The following HP1BP3 variants were observed in gnomAD, a reference collection of about 807,000 sequenced individuals.
HP1BP3 encodes heterochromatin protein 1-binding protein 3.
Under a neutral mutation model 62.5 loss-of-function variants are expected in HP1BP3, and 12 were observed. That is an observed-to-expected ratio of 0.19 (90% CI 0.12 to 0.31). The LOEUF is 0.31. Ranked by LOEUF, HP1BP3 falls within the 10% of genes least tolerant of loss-of-function variation. The probability of loss-of-function intolerance (pLI) is 1.00; values close to 1 mark genes in which losing one functional copy is unlikely to be tolerated. For missense variants in HP1BP3, 502 were observed against 651.8 expected, an observed-to-expected ratio of 0.77 and a Z score of 2.50; for synonymous variants, 260 against 237.8, an observed-to-expected ratio of 1.09 and a Z score of -0.86.
chr1:20,779,720 A>C (rs2057458006), intron 3 of HP1BP3, 92 bp downstream of exon 3: 1 of 820,326 alleles, frequency 1.2e-6, no homozygotes, highest in African/African-American at 1.8e-5. Context: ...TGAAAAAAAA[A>C]AAAAAACAAT....
rs2055180610 is a variant in HP1BP3 at position 20,744,300 on chromosome 1, G to A, written c.*497C>T. On this transcript the variant is annotated 3_prime_UTR_variant, in exon 13 of 13. Transcript: ENST00000438032. Reference sequence around the variant, plus strand: ...TTGGAGAGAAAAGGTTAGTGGAGTGGCTTTTATAAATAAGATTAATTATTA... The same window carrying A: ...TTGGAGAGAAAAGGTTAGTGGAGTGACTTTTATAAATAAGATTAATTATTA... 2.0e-5 allele frequency: 3 copies of A among 153,052 alleles called. No individual in the cohort carries two copies. Among genetic ancestry groups the A allele is most frequent in the African/African-American group, 7.2e-5 (3 of 41,428 alleles). 9.5% of individuals were successfully genotyped at this position (153,052 alleles called of 1,614,324 possible).
rs1021240871 is a variant in HP1BP3 at position 20,742,555 on chromosome 1, A to G, written c.*2242T>C. Reference sequence around the variant, plus strand: ...CCAAAACACATGAACTGGAGCTTGTATTTAAAAAGGAAAATGATGGTGTTC... The same window carrying G: ...CCAAAACACATGAACTGGAGCTTGTGTTTAAAAAGGAAAATGATGGTGTTC... On this transcript the variant is annotated 3_prime_UTR_variant, in exon 13 of 13. Coordinates refer to ENST00000438032, the MANE Select transcript of HP1BP3 (RefSeq NM_001372052.1). 2.0e-5 allele frequency: 3 copies of G among 152,576 alleles called. No homozygotes were observed. The highest frequency in any genetic ancestry group is 6.5e-5 in the Admixed American group (1 of 15,278). 9.5% of individuals were successfully genotyped at this position (152,576 alleles called of 1,614,324 possible).
At chr1:20,763,938 C>CT (rs747724184) in intron 8 of HP1BP3, among the ~76,000 whole-genome samples, 8 of 152,110 alleles carry the variant, frequency 5.3e-5, no homozygotes, top group East Asian at 3.9e-4. Flanking sequence ...GAGTCTCACT[C>CT]TGTCACCCAG....
intron 9 of HP1BP3, among the ~76,000 whole-genome samples, chr1:20,750,876 G>C (rs1407710261): frequency 7.8e-6 from 1 of 127,588 alleles, no homozygotes; most frequent in African/African-American, 3.1e-5. Flanking sequence ...GGATTGCAAT[G>C]ACGTGGTTTC....
At chr1:20,785,029 C>T (rs1192149696) in intron 1 of HP1BP3, among the ~76,000 whole-genome samples, 1 of 152,024 alleles carries the variant, frequency 6.6e-6, no homozygotes, top group African/African-American at 2.4e-5. Context: ...CAAGCGATCT[C>T]CTCCCACCTC....
intron 9 of HP1BP3, among the ~76,000 whole-genome samples, chr1:20,752,708 T>C (rs891458762): frequency 6.6e-6 from 1 of 152,194 alleles, no homozygotes; most frequent in Admixed American, 6.5e-5. Context: ...TCTTTACTGC[T>C]ATGTACTTAT....
At position 20,742,042 on chromosome 1, in the gene HP1BP3, T is replaced by C. The variant is rs1222615465; in HGVS notation, c.*2755A>G. Among the ~76,000 whole-genome samples the C allele has an allele frequency of 1.3e-5, 2 of 152,220 alleles. No individual in the cohort carries two copies. Among genetic ancestry groups the C allele is most frequent in the East Asian group, 1.9e-4 (1 of 5,202 alleles). On this transcript the variant is annotated 3_prime_UTR_variant, in exon 13 of 13. Coordinates refer to ENST00000438032, the MANE Select transcript of HP1BP3 (RefSeq NM_001372052.1). The stretch of plus-strand genomic sequence containing the variant: ...ATCACACTGAAACAAACTGTCCTTA[T>C]AGTTAACAGAACGTTAGAGTTGGAA...
At chr1:20,769,252 G>A (rs1407862789) in intron 6 of HP1BP3, among the ~76,000 whole-genome samples, 1 of 152,022 alleles carries the variant, frequency 6.6e-6, no homozygotes, top group East Asian at 1.9e-4. Context: ...CCTACATTTG[G>A]CTAATTTTTA....
At chr1:20,745,812 T>C (rs1343899999) in intron 11 of HP1BP3, among the ~76,000 whole-genome samples, 156 bp from the exon 12 acceptor site, 1 of 152,348 alleles carries the variant, frequency 6.6e-6, no homozygotes, top group East Asian at 1.9e-4. Flanking sequence ...ATTTACCGTA[T>C]TTTGAACATA....
chr1:20,765,685 T>C (rs1256091629), intron 7 of HP1BP3, among the ~76,000 whole-genome samples, 154 bp from the exon 8 acceptor site: 1 of 152,140 alleles, frequency 6.6e-6, no homozygotes, highest in Admixed American at 6.5e-5. Flanking sequence ...AAAATACATA[T>C]AAAAGCTGGG....
chr1:20,761,509 T>C lies in HP1BP3; in HGVS notation c.890+3868A>G, dbSNP rs528926777. Among the ~76,000 whole-genome samples the C allele has an allele frequency of 4.9e-4, 71 of 143,540 alleles. 1 individual carries two copies. In the South Asian group the frequency reaches 0.017, roughly 34 times the overall value. 94.2% of individuals were successfully genotyped at this position (143,540 alleles called of 152,430 possible). On this transcript the variant is annotated intron_variant, in intron 8 of 12. Coordinates refer to ENST00000438032, the MANE Select transcript of HP1BP3 (RefSeq NM_001372052.1). The stretch of plus-strand genomic sequence containing the variant: ...GAAGATAATGTGGGAAATGCAGGGA[T>C]TTTTGGGGGGAGAGGGAGCAGAGTG...
At chr1:20,771,785 T>A (rs1031300078) in intron 5 of HP1BP3, among the ~76,000 whole-genome samples, 5 of 152,190 alleles carry the variant, frequency 3.3e-5, no homozygotes, top group Non-Finnish European at 7.4e-5. Context: ...ATCAAATACT[T>A]TAAATTTTGA....
intron 6 of HP1BP3, 84 bp downstream of exon 6, chr1:20,770,846 G>T: frequency 1.0e-6 from 1 of 990,894 alleles, no homozygotes; most frequent in Non-Finnish European, 1.4e-6. Context: ...AACAAAAAAG[G>T]CACAAAAAGC....
intron 9 of HP1BP3, among the ~76,000 whole-genome samples, chr1:20,755,884 C>T (rs1469962290): frequency 6.6e-6 from 1 of 152,148 alleles, no homozygotes; most frequent in African/African-American, 2.4e-5. Flanking sequence ...AGAAGCCAGA[C>T]ACAAAAGATC....
At chr1:20,773,382 T>A in intron 5 of HP1BP3, 69 bp downstream of exon 5, 1 of 1,375,392 alleles carries the variant, frequency 7.3e-7, no homozygotes, top group Non-Finnish European at 1.0e-6. Context: ...GACAGATATA[T>A]GCCATTTTCA....
chr1:20,754,774 A>G (rs1309352964), intron 9 of HP1BP3, among the ~76,000 whole-genome samples: 3 of 152,216 alleles, frequency 2.0e-5, no homozygotes, highest in African/African-American at 4.8e-5. Context: ...ACACACCCAC[A>G]TGCAAAAAGA....
intron 1 of HP1BP3, among the ~76,000 whole-genome samples, chr1:20,783,763 CTG>C (rs112808204): frequency 1.4e-3 from 127 of 89,742 alleles, no homozygotes; most frequent in African/African-American, 6.0e-3. Flanking sequence ...GTGTGAGACT[CTG>C]TCTCAAAAAA....
chr1:20,776,507 A>T, intron 4 of HP1BP3, 90 bp downstream of exon 4: 1 of 1,175,710 alleles, frequency 8.5e-7, no homozygotes, highest in Non-Finnish European at 1.2e-6. Context: ...ACCTAGCATA[A>T]ACCAATGTTA....
intron 4 of HP1BP3, chr1:20,776,009 CAAAAAAAA>C: frequency 2.7e-5 from 33 of 1,220,266 alleles, no homozygotes; most frequent in Non-Finnish European, 3.4e-5. Context: ...AGCTCTCCTG[CAAAAAAAA>C]AAAAAAAAAA....
Sources: allele counts gnomAD v4.1 joint callset (sites outside exome capture counted in the v4.1 genomes callset), GRCh38; gene constraint gnomAD v4.1.1; transcripts MANE v1.5; gene names NCBI Gene and HGNC (gene_info 2026-07-23, HGNC 2026-07-21).